The following FBXO42 variants were observed in gnomAD, a reference collection of about 807,000 sequenced individuals.
FBXO42 encodes F-box only protein 42.
In FBXO42, 12 loss-of-function variants were observed where a neutral mutation model predicts 71.7. That is an observed-to-expected ratio of 0.17 (90% CI 0.11 to 0.27). The LOEUF is 0.27. Among genes scored for constraint, FBXO42 ranks in the 10% least tolerant of loss-of-function variants. FBXO42 has a pLI of 1.00. For synonymous variants in FBXO42, 325 were observed against 327.5 expected (o/e 0.99, Z 0.08); for missense variants, 707 against 911.9 (o/e 0.78, Z 2.89).
intron 4 of FBXO42, among the ~76,000 whole-genome samples, chr1:16,263,600 G>A (rs2081737897): frequency 6.6e-6 from 1 of 151,678 alleles, no homozygotes; most frequent in East Asian, 2.0e-4. Flanking sequence ...GTGCACACCT[G>A]TAATCCCAGC....
rs761895309 is a variant in FBXO42, at chr1:16,305,825, T to G, written c.345A>C (p.Pro115=). ...ESRTYPYPGT[P]ITQRFSHSAC... is the part of the protein sequence containing the mutation. ...TACTGTGCGAGAAGCGCTGAGTGATTGGGGTTCCAGGATAAGGATAGGTAC... is the reference window on the plus strand; with the variant it reads ...TACTGTGCGAGAAGCGCTGAGTGATGGGGGTTCCAGGATAAGGATAGGTAC... Residue 115 remains proline, a synonymous_variant, in exon 3 of 10, where the codon CCA becomes CCC. Coordinates refer to ENST00000375592, the MANE Select transcript of FBXO42 (RefSeq NM_018994.3). 6.2e-7 allele frequency: 1 copy of G among 1,614,102 alleles called. No individual in the cohort carries two copies. The highest frequency in any genetic ancestry group is 8.5e-7 in the Non-Finnish European group (1 of 1,179,954).
Position 16,250,211 on chromosome 1 carries a change from A to T in FBXO42, c.*459T>A, listed in dbSNP as rs978113052. ...TTACTTTTACCCCGACAGCACCTGA[A>T]GCATGAGAGTCTAAAACCCTCCACC... is the stretch of plus-strand genomic sequence containing the variant. On this transcript the variant is annotated 3_prime_UTR_variant, in exon 10 of 10. Coordinates refer to ENST00000375592, the MANE Select transcript of FBXO42 (RefSeq NM_018994.3). This position sits in a 1 kb window ranked among gnomAD's most constrained non-coding sequence, Gnocchi z 4.7. 6.6e-6 allele frequency: 1 copy of T among 152,368 alleles called. No homozygotes were observed. The highest frequency in any genetic ancestry group is 1.5e-5 in the Non-Finnish European group (1 of 68,054). The allele number at this position is 152,368 out of a possible 1,614,324, so 9.4% of individuals were successfully genotyped here.
intron 4 of FBXO42, among the ~76,000 whole-genome samples, chr1:16,276,379 C>CAAAAA (rs34711223): frequency 1.5e-4 from 15 of 97,254 alleles, no homozygotes; most frequent in South Asian, 4.0e-4. Context: ...CACTCTGTCT[C>CAAAAA]AAAAAAAAAA....
chr1:16,337,886 A>C (rs2082566314), intron 1 of FBXO42, among the ~76,000 whole-genome samples: 2 of 42,676 alleles, frequency 4.7e-5, no homozygotes, highest in African/African-American at 1.7e-4. Context: ...TCCGTCTCAA[A>C]AAAAAAAAAA....
At chr1:16,349,791 G>C (rs1310868887) in intron 1 of FBXO42, among the ~76,000 whole-genome samples, 1 of 152,214 alleles carries the variant, frequency 6.6e-6, no homozygotes, top group Non-Finnish European at 1.5e-5. Flanking sequence ...GAACCGGAGA[G>C]GTGGAGGTTG....
chr1:16,251,420 T>C lies in FBXO42; in HGVS notation c.1404A>G (p.Pro468=), dbSNP rs774131386. ...TCAGGTCGTATCCTTCAGGAGCAGA[T>C]GGAGTACTTGGAGATATGGCCTGTA... ...SPVQAISPST[P]SAPEGYDLKI... The change falls in exon 10 of 10, where the codon CCA becomes CCG. Residue 468 remains proline (P), a synonymous_variant. Transcript: ENST00000375592. This position sits in a 1 kb window ranked among gnomAD's most constrained non-coding sequence, Gnocchi z 4.5. 4.3e-6 allele frequency: 7 copies of C among 1,614,020 alleles called. No individual in the cohort carries two copies. The highest frequency in any genetic ancestry group is 1.1e-5 in the South Asian group (1 of 91,074).
intron 4 of FBXO42, among the ~76,000 whole-genome samples, chr1:16,286,750 C>T: frequency 6.6e-6 from 1 of 152,162 alleles, no homozygotes; most frequent in East Asian, 1.9e-4. Context: ...ATCTCTCCTG[C>T]CCCTTGCCAA....
intron 1 of FBXO42, among the ~76,000 whole-genome samples, chr1:16,316,227 T>C (rs183094815): frequency 1.3e-5 from 2 of 151,716 alleles, no homozygotes; most frequent in East Asian, 3.9e-4. Flanking sequence ...TAAACTTTTA[T>C]GCAAGACGAT....
chr1:16,295,901 C>G (rs2082124604), intron 3 of FBXO42, among the ~76,000 whole-genome samples: 1 of 152,076 alleles, frequency 6.6e-6, no homozygotes, highest in South Asian at 2.1e-4. Flanking sequence ...AATATGTATC[C>G]AAGAGCTACC....
chr1:16,252,299 G>T lies in FBXO42; in HGVS notation c.1027C>A (p.Pro343Thr). 6.2e-7 allele frequency: 1 copy of T among 1,613,840 alleles called. No homozygotes were observed. The highest frequency in any genetic ancestry group is 8.5e-7 in the Non-Finnish European group (1 of 1,179,698). Residue 343 changes from proline to threonine, a missense_variant, in exon 9 of 10, where the codon CCA becomes ACA. By Grantham distance (38) the Pro-to-Thr change is conservative. Transcript: ENST00000375592. The surrounding 1 kb of genome is among the most constrained non-coding windows in gnomAD (Gnocchi z 4.4). ...AGCTCCCTGCTTACCCGGCAAGCTG[G>T]ATGGCACCACAGTTCTGGGGCCCCA... is the stretch of plus-strand genomic sequence containing the variant. ...EHGAPELWCH[P>T]ACRVGQCVVV...
At chr1:16,261,864 C>A (rs2081717877) in intron 4 of FBXO42, among the ~76,000 whole-genome samples, 1 of 151,526 alleles carries the variant, frequency 6.6e-6, no homozygotes, top group African/African-American at 2.4e-5. Context: ...CCGCCATGCT[C>A]AAGCTAATTT....
intron 2 of FBXO42, among the ~76,000 whole-genome samples, chr1:16,313,849 C>T (rs910075511): frequency 2.0e-5 from 3 of 152,136 alleles, no homozygotes; most frequent in Non-Finnish European, 4.4e-5. Context: ...AAAAAATGGG[C>T]CCTTTCCACT....
chr1:16,281,207 C>A (rs948933170), intron 4 of FBXO42, among the ~76,000 whole-genome samples: 1 of 152,188 alleles, frequency 6.6e-6, no homozygotes, highest in Admixed American at 6.5e-5. Flanking sequence ...GGTGATCCGC[C>A]CGCCTCGGCC....
At chr1:16,271,770 A>T (rs1199808817) in intron 4 of FBXO42, among the ~76,000 whole-genome samples, 1 of 152,028 alleles carries the variant, frequency 6.6e-6, no homozygotes, top group Non-Finnish European at 1.5e-5. Flanking sequence ...TGCTAGATGG[A>T]GAACCTCTTA....
At chr1:16,315,043 T>C (rs1569910365) in intron 2 of FBXO42, 126 bp downstream of exon 2, 3 of 1,004,670 alleles carry the variant, frequency 3.0e-6, no homozygotes, top group Non-Finnish European at 4.3e-6. Flanking sequence ...AACCGGGTAG[T>C]ATCGTCTAAT....
intron 4 of FBXO42, among the ~76,000 whole-genome samples, chr1:16,271,777 C>T (rs754718347): frequency 6.6e-6 from 1 of 152,036 alleles, no homozygotes; most frequent in Non-Finnish European, 1.5e-5. Context: ...TGGAGAACCT[C>T]TTAGGATTAG....
Position 16,250,857 on chromosome 1 carries a change from T to C in FBXO42, c.1967A>G (p.Glu656Gly). Residue 656 changes from glutamate to glycine, a missense_variant, in exon 10 of 10, where the codon GAG (glutamate) becomes GGG (glycine). Glu to Gly is a moderately conservative substitution (Grantham distance 98). Transcript: ENST00000375592. This position sits in a 1 kb window ranked among gnomAD's most constrained non-coding sequence, Gnocchi z 4.7. ...TACTTTCCATTTGACCCGCCCCTTCTCCTTGGTGTCTTTAATGTCCAGCAC... is the reference window on the plus strand; with the variant it reads ...TACTTTCCATTTGACCCGCCCCTTCCCCTTGGTGTCTTTAATGTCCAGCAC... ...MYVLDIKDTK[E>G]KGRVKWKVFN... The C allele has an allele frequency of 6.2e-7, 1 of 1,614,150 alleles. No homozygotes were observed. Among genetic ancestry groups the C allele is most frequent in the Non-Finnish European group, 8.5e-7 (1 of 1,180,024 alleles).
chr1:16,259,383 CA>C (rs1205879667), intron 4 of FBXO42, among the ~76,000 whole-genome samples: 1 of 152,146 alleles, frequency 6.6e-6, no homozygotes, highest in Non-Finnish European at 1.5e-5. Flanking sequence ...CAGACTTCAG[CA>C]AAATAGTAAT....
chr1:16,272,437 TAAGTAGAG>T (rs1337015975), intron 4 of FBXO42, among the ~76,000 whole-genome samples: 1 of 152,036 alleles, frequency 6.6e-6, no homozygotes, highest in African/African-American at 2.4e-5. Context: ...TTTTGTATTT[TAAGTAGAG>T]ACCGGGTTTC....
Sources: allele counts gnomAD v4.1 joint callset (sites outside exome capture counted in the v4.1 genomes callset), GRCh38; gene constraint gnomAD v4.1.1; non-coding constraint Gnocchi (gnomAD v3.1); transcripts MANE v1.5; gene names NCBI Gene and HGNC (gene_info 2026-07-23, HGNC 2026-07-21).